The following SMYD3 variants were observed in gnomAD, a reference collection of about 807,000 sequenced individuals.
The protein encoded by SMYD3 is histone-lysine N-methyltransferase SMYD3.
In SMYD3, 36 loss-of-function variants were observed where a neutral mutation model predicts 57.7. The ratio of observed to expected loss-of-function variants is 0.62; its 90% CI spans 0.48 to 0.82. The LOEUF (loss-of-function observed/expected upper bound fraction) is 0.82. Ranked by LOEUF, SMYD3 falls within the 40% of genes least tolerant of loss-of-function variation. The probability of loss-of-function intolerance (pLI) is 0.00; values close to 1 mark genes in which losing one functional copy is unlikely to be tolerated. For synonymous variants in SMYD3, 211 were observed against 195.0 expected, an observed-to-expected ratio of 1.08 and a Z score of -0.68; for missense variants, 515 against 538.8, an observed-to-expected ratio of 0.96 and a Z score of 0.44.
chr1:245,837,228 C>G (rs2050146531), intron 10 of SMYD3, among the ~76,000 whole-genome samples: 1 of 147,038 alleles, frequency 6.8e-6, no homozygotes, highest in Non-Finnish European at 1.5e-5. Flanking sequence ...ACAGAGTGAG[C>G]CTCTGTCTCA....
At chr1:246,477,361 A>G (rs2068042778) in intron 1 of SMYD3, among the ~76,000 whole-genome samples, 1 of 152,232 alleles carries the variant, frequency 6.6e-6, no homozygotes, top group African/African-American at 2.4e-5. Context: ...ATGTCAGAAA[A>G]AAACACACAT....
At chr1:246,296,469 G>T (rs894788534) in intron 5 of SMYD3, among the ~76,000 whole-genome samples, 1 of 151,956 alleles carries the variant, frequency 6.6e-6, no homozygotes, top group Non-Finnish European at 1.5e-5. Flanking sequence ...AGAAGAAACT[G>T]GCTCTTGCCT....
intron 5 of SMYD3, among the ~76,000 whole-genome samples, chr1:246,249,586 G>T (rs961847557): frequency 3.3e-5 from 5 of 150,014 alleles, no homozygotes; most frequent in African/African-American, 1.2e-4. Flanking sequence ...GAAAAAATAA[G>T]CTCTATAAAA....
Position 245,931,999 on chromosome 1 carries a change from T to C in SMYD3, c.532-2062A>G, listed in dbSNP as rs945772737. Among the ~76,000 whole-genome samples, 4 of 152,220 alleles carry C rather than the reference T, an allele frequency of 2.6e-5. No homozygotes were observed. In the East Asian group the frequency reaches 5.8e-4, roughly 22 times the overall value. ...ACAGTACATTGTCTATATATACTTATGTATAAATTGGATGGTAAAAATATA... is the reference window on the plus strand; with the variant it reads ...ACAGTACATTGTCTATATATACTTACGTATAAATTGGATGGTAAAAATATA... On this transcript the variant is annotated intron_variant, in intron 5 of 11. Transcript: ENST00000490107.
At chr1:246,282,612 T>C (rs2064477651) in intron 5 of SMYD3, among the ~76,000 whole-genome samples, 1 of 152,004 alleles carries the variant, frequency 6.6e-6, no homozygotes, top group Non-Finnish European at 1.5e-5. Flanking sequence ...TTTCCACATC[T>C]CTTTTCTTGG....
At chr1:246,328,841 T>G (rs529991564) in intron 4 of SMYD3, among the ~76,000 whole-genome samples, 1 of 140,670 alleles carries the variant, frequency 7.1e-6, no homozygotes, top group East Asian at 2.4e-4. Flanking sequence ...CCCTCCCCAC[T>G]CCCCCCACCC....
chr1:246,228,063 G>A (rs965013761), intron 5 of SMYD3, among the ~76,000 whole-genome samples: 2 of 145,998 alleles, frequency 1.4e-5, no homozygotes, highest in African/African-American at 2.5e-5. Context: ...TCCGCCTCCC[G>A]GGTTCAGGCA....
intron 1 of SMYD3, among the ~76,000 whole-genome samples, chr1:246,373,607 T>C (rs998694746): frequency 4.6e-5 from 7 of 152,072 alleles, no homozygotes; most frequent in Non-Finnish European, 1.0e-4. Flanking sequence ...TTCCACAATA[T>C]AAAAAGCAAT....
At chr1:246,237,218 C>A (rs2063527177) in intron 5 of SMYD3, among the ~76,000 whole-genome samples, 1 of 152,136 alleles carries the variant, frequency 6.6e-6, no homozygotes, top group South Asian at 2.1e-4. Flanking sequence ...CTGGTCGCAG[C>A]TCCATTCCCA....
At chr1:245,777,420 A>C (rs2046651578) in intron 10 of SMYD3, among the ~76,000 whole-genome samples, 1 of 152,176 alleles carries the variant, frequency 6.6e-6, no homozygotes, top group Non-Finnish European at 1.5e-5. Flanking sequence ...TTTTTTTAAA[A>C]ATAACTATAT....
chr1:246,022,807 A>C (rs1237629469), intron 5 of SMYD3, among the ~76,000 whole-genome samples: 1 of 152,204 alleles, frequency 6.6e-6, no homozygotes, highest in Non-Finnish European at 1.5e-5. Context: ...AGTGGCTGGG[A>C]GGAGAAGGCT....
At position 246,472,853 on chromosome 1, in the gene SMYD3, C is replaced by CTT. The variant is rs74163449; in HGVS notation, c.164+34199_164+34200dup. On this transcript the variant is annotated intron_variant, in intron 1 of 11. Transcript: ENST00000490107. ...GTCTCCCGCAGTTACTCTCAAATTTCTTTTTTTTTTTTTTTTTTTTTTGAG... is the reference window on the plus strand; with the variant it reads ...GTCTCCCGCAGTTACTCTCAAATTTCTTTTTTTTTTTTTTTTTTTTTTTTGAG... Among the ~76,000 whole-genome samples the CTT allele has an allele frequency of 7.7e-3, 794 of 102,904 alleles. 1 individual carries two copies. Among genetic ancestry groups the CTT allele is most frequent in the Non-Finnish European group, 9.4e-3 (482 of 51,020 alleles). 67.5% of individuals were successfully genotyped at this position (102,904 alleles called of 152,430 possible). A position where few individuals can be genotyped will look rare whatever the true frequency, so the allele number is the denominator to read the frequency against.
At chr1:246,372,828 T>G (rs2066214104) in intron 1 of SMYD3, among the ~76,000 whole-genome samples, 1 of 152,180 alleles carries the variant, frequency 6.6e-6, no homozygotes, top group Non-Finnish European at 1.5e-5. Context: ...TTAGAATGTA[T>G]AAGAACATTT....
intron 10 of SMYD3, among the ~76,000 whole-genome samples, chr1:245,822,964 C>A (rs990384646): frequency 4.6e-5 from 7 of 152,188 alleles, no homozygotes; most frequent in Non-Finnish European, 8.8e-5. Context: ...GTGTTCTTGT[C>A]AGTCCTGAAT....
chr1:246,205,951 A>G (rs2062993554), intron 5 of SMYD3, among the ~76,000 whole-genome samples: 1 of 152,150 alleles, frequency 6.6e-6, no homozygotes. Context: ...AAAGCCTATA[A>G]AAGGGTGAAC....
chr1:246,497,655 G>A (rs2068384483), intron 1 of SMYD3, among the ~76,000 whole-genome samples: 1 of 152,090 alleles, frequency 6.6e-6, no homozygotes, highest in Admixed American at 6.5e-5. Flanking sequence ...CAAAGTGAGT[G>A]GGAGGACAGC....
intron 1 of SMYD3, among the ~76,000 whole-genome samples, chr1:246,377,140 C>G (rs1257249860): frequency 1.3e-5 from 2 of 149,598 alleles, no homozygotes; most frequent in African/African-American, 4.9e-5. Flanking sequence ...AGTAAGAATC[C>G]TATTACATGT....
intron 5 of SMYD3, among the ~76,000 whole-genome samples, chr1:246,103,576 G>C (rs1355899422): frequency 6.6e-6 from 1 of 151,992 alleles, no homozygotes; most frequent in Non-Finnish European, 1.5e-5. Flanking sequence ...CTATAGTTGA[G>C]GTCGTTATCA....
chr1:245,895,389 G>A lies in SMYD3; in HGVS notation c.813+20141C>T, dbSNP rs373520256. 2.0e-5 allele frequency among the ~76,000 whole-genome samples: 3 copies of A among 152,146 alleles called. No homozygotes were observed. In the South Asian group the frequency reaches 6.2e-4, roughly 32 times the overall value. On this transcript the variant is annotated intron_variant, in intron 8 of 11. Coordinates refer to ENST00000490107, the MANE Select transcript of SMYD3 (RefSeq NM_001167740.2). ...TGGTTATGATGAAAACTTTAGAAACGGGAAACATTCTGCTTAGATTGTTAA... is the reference window on the plus strand; with the variant it reads ...TGGTTATGATGAAAACTTTAGAAACAGGAAACATTCTGCTTAGATTGTTAA...
Sources: allele counts gnomAD v4.1 joint callset (sites outside exome capture counted in the v4.1 genomes callset), GRCh38; gene constraint gnomAD v4.1.1; transcripts MANE v1.5; gene names NCBI Gene and HGNC (gene_info 2026-07-23, HGNC 2026-07-21).